Variants in HHAT observed in about 807,000 individuals in gnomAD.
HHAT encodes the protein protein-cysteine N-palmitoyltransferase HHAT.
A neutral mutation model predicts 70.8 loss-of-function variants in HHAT; 47 were observed. That is an observed-to-expected ratio of 0.66 (90% CI 0.53 to 0.85). The LOEUF (loss-of-function observed/expected upper bound fraction) is 0.85. Ranked by LOEUF, HHAT falls within the 40% of genes least tolerant of loss-of-function variation. HHAT has a pLI of 0.00. For synonymous variants in HHAT, 228 were observed against 247.6 expected (o/e 0.92, Z 0.74); for missense variants, 609 against 604.8 (o/e 1.01, Z -0.07).
intron 11 of HHAT, among the ~76,000 whole-genome samples, chr1:210,670,310 A>C (rs1182143770): frequency 6.6e-6 from 1 of 152,182 alleles, no homozygotes; most frequent in East Asian, 1.9e-4. Flanking sequence ...GGCCACCAAC[A>C]AGAGAGAGTC....
chr1:210,406,085 C>G (rs929935708), intron 6 of HHAT, among the ~76,000 whole-genome samples: 1 of 152,036 alleles, frequency 6.6e-6, no homozygotes, highest in African/African-American at 2.4e-5. Context: ...AACAGGCCCT[C>G]CAGGAGGAGG....
At chr1:210,427,886 C>A (rs956736857) in intron 7 of HHAT, among the ~76,000 whole-genome samples, 1 of 151,854 alleles carries the variant, frequency 6.6e-6, no homozygotes, top group Non-Finnish European at 1.5e-5. Context: ...CTAATATTGT[C>A]GGTGGTGTGT....
intron 6 of HHAT, among the ~76,000 whole-genome samples, chr1:210,410,081 C>G (rs2092475393): frequency 6.6e-6 from 1 of 151,120 alleles, no homozygotes; most frequent in Admixed American, 6.6e-5. Flanking sequence ...GAGACAGAGT[C>G]TGGCTCTGTC....
intron 1 of HHAT, among the ~76,000 whole-genome samples, chr1:210,340,119 C>G (rs1044688868): frequency 3.3e-5 from 5 of 151,746 alleles, no homozygotes; most frequent in Admixed American, 2.6e-4. Context: ...GCGGGAGGAT[C>G]ACTCGAGGCC....
At chr1:210,514,228 A>T (rs2095013077) in intron 9 of HHAT, among the ~76,000 whole-genome samples, 1 of 152,206 alleles carries the variant, frequency 6.6e-6, no homozygotes, top group Non-Finnish European at 1.5e-5. Flanking sequence ...TCCAAGGCTC[A>T]TCCAAGTCTG....
chr1:210,346,618 A>C (rs2086549277), intron 1 of HHAT, among the ~76,000 whole-genome samples: 1 of 152,188 alleles, frequency 6.6e-6, no homozygotes, highest in South Asian at 2.1e-4. Context: ...TCCAGACCAA[A>C]CTTTCTGGGT....
At chr1:210,501,010 C>G (rs2094742772) in intron 8 of HHAT, among the ~76,000 whole-genome samples, 1 of 152,212 alleles carries the variant, frequency 6.6e-6, no homozygotes, top group Non-Finnish European at 1.5e-5. Context: ...CCTGCCCTCC[C>G]CCATGCTGGT....
At chr1:210,656,983 A>G (rs573065873) in intron 11 of HHAT, among the ~76,000 whole-genome samples, 2 of 152,310 alleles carry the variant, frequency 1.3e-5, no homozygotes, top group South Asian at 4.1e-4. Flanking sequence ...CCCTTCTTGT[A>G]CAGGACCTAG....
At chr1:210,600,959 T>A (rs1350955444) in intron 10 of HHAT, among the ~76,000 whole-genome samples, 2 of 151,726 alleles carry the variant, frequency 1.3e-5, no homozygotes, top group African/African-American at 4.8e-5. Flanking sequence ...GCCCCAAGAG[T>A]GTCCTGCTGA....
intron 7 of HHAT, among the ~76,000 whole-genome samples, chr1:210,426,836 G>A (rs1299163925): frequency 6.6e-6 from 1 of 152,140 alleles, no homozygotes; most frequent in African/African-American, 2.4e-5. Context: ...TTGGCATCAG[G>A]ATGATGCTGG....
rs35244381 is a variant in HHAT, at chr1:210,519,527, C to CTTT, written c.1043+6355_1043+6357dup. Among the ~76,000 whole-genome samples the CTTT allele has an allele frequency of 3.9e-3, 499 of 127,432 alleles. 16 individuals carry two copies. Among genetic ancestry groups the CTTT allele is most frequent in the Non-Finnish European group, 4.9e-3 (299 of 61,456 alleles). The allele number at this position is 127,432 out of a possible 152,430, so 83.6% of individuals were successfully genotyped here. A position where few individuals can be genotyped will look rare whatever the true frequency, so the allele number is the denominator to read the frequency against. On this transcript the variant is annotated intron_variant, in intron 9 of 11. Transcript: ENST00000261458. ...ACATCCTTGCCAACAATTTTCTTTG[C>CTTT]TTTTTTTTTTTTTTTTTTGAGGCAG...
At chr1:210,339,361 C>G (rs2085795612) in intron 1 of HHAT, among the ~76,000 whole-genome samples, 1 of 152,140 alleles carries the variant, frequency 6.6e-6, no homozygotes, top group Non-Finnish European at 1.5e-5. Context: ...ACCTGGTGTG[C>G]TAGATGTGTG....
At chr1:210,425,082 C>T (rs2093021852) in intron 7 of HHAT, among the ~76,000 whole-genome samples, 1 of 152,160 alleles carries the variant, frequency 6.6e-6, no homozygotes, top group African/African-American at 2.4e-5. Context: ...TTTTGATTTG[C>T]ATTTCTCTAA....
rs190633656 is a variant in HHAT, at chr1:210,407,238, T to C, written c.684+2559T>C. ...TGGGAGGTGGAGAAAGAAAGCTAGT[T>C]GGAAGAACTAGTAAGTAAGATTTGC... On this transcript the variant is annotated intron_variant, in intron 6 of 11. Transcript: ENST00000261458. 4.6e-5 allele frequency among the ~76,000 whole-genome samples: 7 copies of C among 152,322 alleles called. No homozygotes were observed. The East Asian group carries it at 1.4e-3, about 29-fold the overall frequency.
At chr1:210,471,841 C>A (rs1378167006) in intron 8 of HHAT, among the ~76,000 whole-genome samples, 1 of 151,994 alleles carries the variant, frequency 6.6e-6, no homozygotes, top group Non-Finnish European at 1.5e-5. Context: ...AAGTTTTTTG[C>A]AGATTTAAAC....
intron 11 of HHAT, among the ~76,000 whole-genome samples, chr1:210,653,845 G>A (rs116203723): frequency 0.064 from 500 of 7,852 alleles, 9 homozygotes; most frequent in African/African-American, 0.16. Context: ...TTGAGGGAGG[G>A]TCTTCATGGA....
At chr1:210,531,781 TTGAATC>T (rs2095317258) in intron 9 of HHAT, among the ~76,000 whole-genome samples, 1 of 152,204 alleles carries the variant, frequency 6.6e-6, no homozygotes. Context: ...TTTGTGGAAT[TTGAATC>T]TGATAAGAAA....
At chr1:210,602,603 C>T (rs1269332900) in intron 10 of HHAT, among the ~76,000 whole-genome samples, 1 of 152,048 alleles carries the variant, frequency 6.6e-6, no homozygotes, top group Non-Finnish European at 1.5e-5. Context: ...GAATGCCATG[C>T]TTAGAAATTT....
At chr1:210,348,152 G>A in intron 1 of HHAT, among the ~76,000 whole-genome samples, 1 of 152,168 alleles carries the variant, frequency 6.6e-6, no homozygotes, top group East Asian at 1.9e-4. Flanking sequence ...GGCTGAGGTG[G>A]GAGGATCACT....
Sources: gnomAD v4.1 joint callset for allele counts (sites outside exome capture counted in the v4.1 genomes callset) on GRCh38, gnomAD v4.1.1 for gene constraint, MANE v1.5 for transcripts, NCBI Gene and HGNC (gene_info 2026-07-23, HGNC 2026-07-21) for gene names.